Variants in PCDHGA2 observed in about 807,000 individuals in gnomAD.
The protein encoded by PCDHGA2 is protocadherin gamma-A2.
In PCDHGA2, 40 loss-of-function variants were observed where a neutral mutation model predicts 59.2. The observed-to-expected ratio is 0.68, with a 90% CI of 0.52 to 0.88. The LOEUF (loss-of-function observed/expected upper bound fraction) is 0.88. Ranked by LOEUF, PCDHGA2 falls within the 40% of genes least tolerant of loss-of-function variation. The pLI is 0.00. For missense variants in PCDHGA2, 1,226 were observed against 1,204.0 expected (o/e 1.02, Z -0.27); for synonymous variants, 560 against 526.0 (o/e 1.06, Z -0.89).
rs2099695548 is a variant in PCDHGA2, at chr5:141,490,059, C to T, written c.2425-4748C>T. On this transcript the variant is annotated intron_variant, in intron 1 of 3. Coordinates refer to ENST00000394576, the MANE Select transcript of PCDHGA2 (RefSeq NM_018915.4). The surrounding 1 kb of genome is among the most constrained non-coding windows in gnomAD (Gnocchi z 5.4). ...ATGCCACTGATCCAGACGAGGGCAC[C>T]AACGGCCAACTAGACTATTCTTTTG... 1.2e-6 allele frequency: 2 copies of T among 1,614,242 alleles called. No individual in the cohort carries two copies. The highest frequency in any genetic ancestry group is 1.7e-6 in the Non-Finnish European group (2 of 1,180,030).
At chr5:141,351,767 G>C in intron 1 of PCDHGA2, 1 of 1,613,536 alleles carries the variant, frequency 6.2e-7, no homozygotes, top group Non-Finnish European at 8.5e-7. Flanking sequence ...CTACGTGTCC[G>C]TGAGCCCGCA....
intron 1 of PCDHGA2, chr5:141,371,190 GC>G: frequency 6.2e-7 from 1 of 1,613,982 alleles, no homozygotes; most frequent in Non-Finnish European, 8.5e-7. Flanking sequence ...AAAAGTGATG[GC>G]CATTGACATG....
chr5:141,460,995 A>ATG lies in PCDHGA2; in HGVS notation c.2425-33808_2425-33807dup, dbSNP rs1561986931. Among the ~76,000 whole-genome samples the ATG allele has an allele frequency of 5.3e-5, 8 of 150,188 alleles. No homozygotes were observed. The East Asian group carries it at 1.4e-3, about 26-fold the overall frequency. On this transcript the variant is annotated intron_variant, in intron 1 of 3. Transcript: ENST00000394576. ...TGTGTGTGTGTGTGTATATATATAT[A>ATG]TGTGTATATATATATACCACATTTT...
At chr5:141,463,402 T>C (rs1214124103) in intron 1 of PCDHGA2, among the ~76,000 whole-genome samples, 1 of 149,978 alleles carries the variant, frequency 6.7e-6, no homozygotes, top group African/African-American at 2.5e-5. Context: ...GCAAAAAAAA[T>C]GGAGATCCTA....
intron 1 of PCDHGA2, chr5:141,385,358 T>C (rs1470867728): frequency 6.5e-7 from 1 of 1,546,418 alleles, no homozygotes; most frequent in Non-Finnish European, 8.7e-7. Flanking sequence ...CCATGAGGAA[T>C]TTATTTGCAT....
chr5:141,379,192 T>A (rs970501153), intron 1 of PCDHGA2: 36 of 152,346 alleles, frequency 2.4e-4, no homozygotes, highest in African/African-American at 8.7e-4. Context: ...AGTTGATGTG[T>A]TTTTAAATAA....
intron 1 of PCDHGA2, chr5:141,423,956 A>G: frequency 1.7e-6 from 2 of 1,182,724 alleles, no homozygotes; most frequent in Non-Finnish European, 2.1e-6. Flanking sequence ...TTTTAGTATT[A>G]TTTTTCTATT....
At chr5:141,430,877 G>T in intron 1 of PCDHGA2, 1 of 1,600,796 alleles carries the variant, frequency 6.2e-7, no homozygotes. Flanking sequence ...GGAAGAGCTG[G>T]AGAAAGGCTC....
intron 1 of PCDHGA2, chr5:141,374,110 G>T (rs1402267775): frequency 7.0e-6 from 11 of 1,576,896 alleles, no homozygotes; most frequent in Non-Finnish European, 9.5e-6. Context: ...GGCATCCGCA[G>T]CGCAGCGAGC....
chr5:141,481,066 A>G (rs1366968394), intron 1 of PCDHGA2, among the ~76,000 whole-genome samples: 1 of 152,156 alleles, frequency 6.6e-6, no homozygotes, highest in Non-Finnish European at 1.5e-5. Flanking sequence ...TCAAAAACAA[A>G]AAGAAAGAAA....
At chr5:141,394,407 G>A in intron 1 of PCDHGA2, 1 of 1,614,240 alleles carries the variant, frequency 6.2e-7, no homozygotes, top group Admixed American at 1.7e-5. Context: ...GCAGCTACTG[G>A]TAACAGCCAG....
At chr5:141,403,120 C>G (rs2094357495) in intron 1 of PCDHGA2, 3 of 1,614,050 alleles carry the variant, frequency 1.9e-6, no homozygotes, top group South Asian at 2.2e-5. Context: ...CTCTGGAGCC[C>G]CGGGAGCTGG....
intron 1 of PCDHGA2, chr5:141,360,055 GAA>G: frequency 6.9e-7 from 1 of 1,446,612 alleles, no homozygotes; most frequent in Non-Finnish European, 9.1e-7. Flanking sequence ...ACAAAAGCAG[GAA>G]AAGTGACCTT....
intron 2 of PCDHGA2, among the ~76,000 whole-genome samples, chr5:141,500,254 G>A (rs1260325865): frequency 1.3e-5 from 2 of 150,426 alleles, no homozygotes; most frequent in Non-Finnish European, 3.0e-5. Context: ...TGTCACCCAG[G>A]CTGGACTGCA....
rs370932300 is a variant in PCDHGA2, at chr5:141,459,955, G to A, written c.2425-34852G>A. Among the ~76,000 whole-genome samples, 15 of 152,316 alleles carry A rather than the reference G, an allele frequency of 9.8e-5. No homozygotes were observed. The East Asian group carries it at 2.3e-3, about 24-fold the overall frequency. The stretch of plus-strand genomic sequence containing the variant: ...TAGCTGGGCGTGATGGCAGGTGCCT[G>A]TAATCCCAGCTACTCAGGAGGCTGA... On this transcript the variant is annotated intron_variant, in intron 1 of 3. Coordinates refer to ENST00000394576, the MANE Select transcript of PCDHGA2 (RefSeq NM_018915.4).
In PCDHGA2 at chr5:141,511,445, A is replaced by G; in HGVS notation, c.*272A>G. ...GGTAGTGGGGTTACTGTAGACACCA[A>G]GAACCATTTGCCACACCCCGTTTAG... On this transcript the variant is annotated 3_prime_UTR_variant, in exon 4 of 4. Coordinates refer to ENST00000394576, the MANE Select transcript of PCDHGA2 (RefSeq NM_018915.4). 4.5e-6 allele frequency: 3 copies of G among 659,774 alleles called. No individual in the cohort carries two copies. Among genetic ancestry groups the G allele is most frequent in the Non-Finnish European group, 4.9e-6 (2 of 412,228 alleles). 40.9% of individuals were successfully genotyped at this position (659,774 alleles called of 1,614,324 possible). A position where few individuals can be genotyped will look rare whatever the true frequency, so the allele number is the denominator to read the frequency against.
intron 1 of PCDHGA2, among the ~76,000 whole-genome samples, chr5:141,474,227 G>A (rs1394834744): frequency 6.6e-6 from 1 of 152,190 alleles, no homozygotes; most frequent in Non-Finnish European, 1.5e-5. Flanking sequence ...TGTGAATTAA[G>A]TGATGCTGAA....
chr5:141,362,499 A>G (rs1307285614), intron 1 of PCDHGA2: 2 of 1,614,042 alleles, frequency 1.2e-6, no homozygotes, highest in East Asian at 2.2e-5. Flanking sequence ...CCTCTTGGGA[A>G]CAAAATACAA....
intron 1 of PCDHGA2, chr5:141,418,093 C>G: frequency 8.1e-6 from 13 of 1,614,032 alleles, no homozygotes; most frequent in Non-Finnish European, 1.1e-5. Flanking sequence ...TCAGCGTAGA[C>G]GCGCAGAGCG....
Sources: gnomAD v4.1 joint callset for allele counts (sites outside exome capture counted in the v4.1 genomes callset) on GRCh38, gnomAD v4.1.1 for gene constraint, Gnocchi (gnomAD v3.1) non-coding constraint, MANE v1.5 for transcripts, NCBI Gene and HGNC (gene_info 2026-07-23, HGNC 2026-07-21) for gene names.